Variants in PLD2 observed in about 807,000 individuals in gnomAD.
PLD2 encodes phospholipase D2, also known as choline phosphatase 2.
PLD2 carries 101 observed loss-of-function variants against 119.8 expected under a neutral mutation model. That is an observed-to-expected ratio of 0.84 (90% CI 0.72 to 0.99). The LOEUF is 0.99. Ranked by LOEUF, PLD2 falls within the 50% of genes least tolerant of loss-of-function variation. The pLI is 0.00. For synonymous variants in PLD2, 494 were observed against 482.8 expected (o/e 1.02, Z -0.30); for missense variants, 1,164 against 1,226.8 (o/e 0.95, Z 0.76).
rs1853816805 is a variant in PLD2 at position 4,823,391 on chromosome 17, C to A, written c.*527C>A. ...CTGCTGACAGACACTAACTTTGTAT[C>A]CGTTCAATAAGCATTTCATAAATAA... On this transcript the variant is annotated 3_prime_UTR_variant, in exon 25 of 25. Transcript: ENST00000263088. 3.3e-5 allele frequency: 5 copies of A among 153,776 alleles called. No individual in the cohort carries two copies. Among genetic ancestry groups the A allele is most frequent in the Admixed American group, 2.6e-4 (4 of 15,460 alleles). 9.5% of individuals were successfully genotyped at this position (153,776 alleles called of 1,614,324 possible).
chr17:4,815,940 C>CCT lies in PLD2; in HGVS notation c.1455+7_1455+8insTC. ...CTGAATCAGCTGCCTCCCAGGTAATCCCCCTGAGGCCTTCCTGAGCACCCC... is the reference window on the plus strand; with the variant it reads ...CTGAATCAGCTGCCTCCCAGGTAATCCTCCCCTGAGGCCTTCCTGAGCACCCC... On this transcript the variant is annotated splice_region_variant and intron_variant, in intron 14 of 24. Transcript: ENST00000263088. 1.3e-6 allele frequency: 2 copies of CCT among 1,596,052 alleles called. No individual in the cohort carries two copies. Among genetic ancestry groups the CCT allele is most frequent in the Non-Finnish European group, 1.7e-6 (2 of 1,163,862 alleles).
intron 9 of PLD2, 28 bp downstream of exon 9, chr17:4,810,057 C>G: frequency 6.2e-7 from 1 of 1,609,440 alleles, no homozygotes. Flanking sequence ...TGAGAGACAC[C>G]AGCTGAGTGG....
rs1907406860 is a variant in PLD2, at chr17:4,819,414, C to T, written c.2309-15C>T. 5 of 1,611,862 alleles carry T rather than the reference C, an allele frequency of 3.1e-6. No homozygotes were observed. The highest frequency in any genetic ancestry group is 1.1e-5 in the South Asian group (1 of 90,828). On this transcript the variant is annotated splice_polypyrimidine_tract_variant and intron_variant, in intron 22 of 24. Transcript: ENST00000263088. This position sits in a 1 kb window ranked among gnomAD's most constrained non-coding sequence, Gnocchi z 4.2. ...CCTGGGCCCAAGCACACAGTGTGCC[C>T]CGCATCCACCCCAGGTTCTGCAAAC...
chr17:4,809,483 T>C lies in PLD2; in HGVS notation c.556-10T>C. 5.6e-6 allele frequency: 9 copies of C among 1,607,258 alleles called. No individual in the cohort carries two copies. Among genetic ancestry groups the C allele is most frequent in the Non-Finnish European group, 7.6e-6 (9 of 1,176,668 alleles). ...AGGTGTCTCCTCCGGGCTTTTGTTT[T>C]CCTCTGCAGACAGAGTTCCTGGAAG... On this transcript the variant is annotated splice_polypyrimidine_tract_variant and intron_variant, in intron 6 of 24. Coordinates refer to ENST00000263088, the MANE Select transcript of PLD2 (RefSeq NM_002663.5).
Position 4,809,132 on chromosome 17 carries a change from C to T in PLD2, c.416C>T (p.Ala139Val). The change falls in exon 5 of 25, where the codon GCA becomes GTA. Residue 139 changes from alanine (A) to valine (V), a missense_variant. Physicochemically the swap from Ala to Val is moderately conservative, Grantham distance 64. Transcript: ENST00000263088. ...FAVAYSPARDAGNREMPSLPR... is the reference protein window; with the variant it reads ...FAVAYSPARDVGNREMPSLPR... ...GTTGCCTATTCTCCAGCCCGAGATG[C>T]AGGCAACAGAGAGATGCCCTCTCTA... is the stretch of plus-strand genomic sequence containing the variant. 6.2e-7 allele frequency: 1 copy of T among 1,614,112 alleles called. No homozygotes were observed.
chr17:4,817,659 C>T (rs947924615), intron 17 of PLD2, among the ~76,000 whole-genome samples: 3 of 144,830 alleles, frequency 2.1e-5, no homozygotes, highest in Non-Finnish European at 4.5e-5. Context: ...GAGACTCCAT[C>T]TCAAAAATAA....
chr17:4,809,747 G>T lies in PLD2; in HGVS notation c.671G>T (p.Cys224Phe), dbSNP rs751530331. 4.3e-6 allele frequency: 7 copies of T among 1,614,128 alleles called. No homozygotes were observed. The African/African-American group carries it at 8.0e-5, about 18-fold the overall frequency. Residue 224 changes from cysteine (C) to phenylalanine (F), a missense_variant, in exon 8 of 25, where the codon TGT (cysteine) becomes TTT (phenylalanine). Cys to Phe is a radical substitution (Grantham distance 205, BLOSUM62 -2). Coordinates refer to ENST00000263088, the MANE Select transcript of PLD2 (RefSeq NM_002663.5). ...CACCGTGTTCCTGGCCTCACCTGCT[G>T]TGGCCGAGACCAAGTTTGTTATCGC... ...GGHRVPGLTC[C>F]GRDQVCYRWS... is the part of the protein sequence containing the mutation.
At chr17:4,812,385 C>A (rs1428034382) in intron 10 of PLD2, among the ~76,000 whole-genome samples, 3 of 150,262 alleles carry the variant, frequency 2.0e-5, no homozygotes, top group South Asian at 2.1e-4. Context: ...ACCTCTGACT[C>A]CCCGGTTCAA....
rs551987918 is a variant in PLD2 at position 4,809,552 on chromosome 17, G to C, written c.614+1G>C. 1.1e-5 allele frequency: 17 copies of C among 1,606,484 alleles called. No homozygotes were observed. In the South Asian group the frequency reaches 1.9e-4, roughly 18 times the overall value. ...TCCCGGACTTGGGCCGCAAAGGACTGTGAGTGTCTGGCCCCCTTCACCCAG... is the reference window on the plus strand; with the variant it reads ...TCCCGGACTTGGGCCGCAAAGGACTCTGAGTGTCTGGCCCCCTTCACCCAG... On this transcript the variant is annotated splice_donor_variant, in intron 7 of 24. Coordinates refer to ENST00000263088, the MANE Select transcript of PLD2 (RefSeq NM_002663.5). LOFTEE classifies it high-confidence loss of function.
At chr17:4,818,423 T>C (rs201823200) in intron 19 of PLD2, 38 bp downstream of exon 19, 1 of 1,608,788 alleles carries the variant, frequency 6.2e-7, no homozygotes, top group East Asian at 2.2e-5. Context: ...ACTGTGGGTG[T>C]GGTTTGAGCC....
In PLD2 at chr17:4,810,875, G is replaced by C. The variant is rs760033223; in HGVS notation, c.934G>C (p.Gly312Arg). Reference protein sequence around the residue: ...WAQEITELAQGPGRDFLQLHR... With the variant: ...WAQEITELAQRPGRDFLQLHR... ...CCAAGAGATCACTGAGCTGGCACAGGGCCCAGGCAGAGACTTCCTACAGCT... is the reference window on the plus strand; with the variant it reads ...CCAAGAGATCACTGAGCTGGCACAGCGCCCAGGCAGAGACTTCCTACAGCT... Residue 312 changes from glycine (G) to arginine (R), a missense_variant, in exon 10 of 25, where the codon GGC becomes CGC. Physicochemically the swap from Gly to Arg is moderately radical, Grantham distance 125. Transcript: ENST00000263088. 6.2e-7 allele frequency: 1 copy of C among 1,613,740 alleles called. No homozygotes were observed. The highest frequency in any genetic ancestry group is 1.3e-5 in the African/African-American group (1 of 74,868).
chr17:4,816,595 T>G (rs765415461), intron 14 of PLD2, 25 bp from the exon 15 acceptor site: 7 of 1,612,854 alleles, frequency 4.3e-6, no homozygotes, highest in Middle Eastern at 1.7e-4. Flanking sequence ...CCCTTGCCCC[T>G]GGCTTGGGTG....
In PLD2 at chr17:4,816,747, G is replaced by A. The variant is rs773221175; in HGVS notation, c.1582+1G>A. 1 of 1,614,194 alleles carries A rather than the reference G, an allele frequency of 6.2e-7. No homozygotes were observed. The highest frequency in any genetic ancestry group is 1.1e-5 in the South Asian group (1 of 91,090). ...GTGCAGCTGGACCGGCCTTTCGAAG[G>A]TGAAGCCTCCCACCCGCCAAAGCCC... On this transcript the variant is annotated splice_donor_variant, in intron 15 of 24. Transcript: ENST00000263088. LOFTEE classifies it high-confidence loss of function.
chr17:4,820,760 T>C (rs1325581656), intron 23 of PLD2, among the ~76,000 whole-genome samples: 2 of 147,878 alleles, frequency 1.4e-5, no homozygotes, highest in Non-Finnish European at 3.0e-5. Flanking sequence ...GTATTTTTAG[T>C]AGAGACGGGG....
At chr17:4,817,843 A>C (rs1423206834) in intron 17 of PLD2, 159 bp from the exon 18 acceptor site, 9 of 548,054 alleles carry the variant, frequency 1.6e-5, no homozygotes, top group South Asian at 2.0e-5. Context: ...CTGTAGTCCC[A>C]GCTACTTAGG....
chr17:4,814,596 G>C (rs1250522545), intron 11 of PLD2, 37 bp from the exon 12 acceptor site: 2 of 1,613,588 alleles, frequency 1.2e-6, no homozygotes, highest in African/African-American at 1.3e-5. Flanking sequence ...GTGGTCTGGG[G>C]CTTCGTTTGC....
At chr17:4,815,015 T>C (rs1906832709) in intron 12 of PLD2, among the ~76,000 whole-genome samples, 1 of 152,136 alleles carries the variant, frequency 6.6e-6, no homozygotes, top group East Asian at 1.9e-4. Flanking sequence ...AATATCACTG[T>C]TCCACTACAA....
Position 4,814,480 on chromosome 17 carries a change from A to C in PLD2, c.1073A>C (p.Glu358Ala). 2 of 1,613,518 alleles carry C rather than the reference A, an allele frequency of 1.2e-6. No individual in the cohort carries two copies. The highest frequency in any genetic ancestry group is 2.2e-5 in the South Asian group (2 of 90,956). ...VADAILRAQE[E>A]IFITDWWLSP... ...GATGCCATCCTTCGAGCTCAAGAGG[A>C]GATTTTCATCACAGACTGGTGGTGA... The change falls in exon 11 of 25, where the codon GAG becomes GCG. Residue 358 changes from glutamate (E) to alanine (A), a missense_variant. By Grantham distance (107) the Glu-to-Ala change is moderately radical. Coordinates refer to ENST00000263088, the MANE Select transcript of PLD2 (RefSeq NM_002663.5).
At chr17:4,817,929 G>A in intron 17 of PLD2, 73 bp from the exon 18 acceptor site, 9 of 1,064,798 alleles carry the variant, frequency 8.5e-6, no homozygotes, top group East Asian at 5.1e-5. Context: ...CTGCACTCCA[G>A]CCTAGGCAAC....
Sources: allele counts gnomAD v4.1 joint callset (sites outside exome capture counted in the v4.1 genomes callset), GRCh38; gene constraint gnomAD v4.1.1; non-coding constraint Gnocchi (gnomAD v3.1); transcripts MANE v1.5; gene names NCBI Gene and HGNC (gene_info 2026-07-23, HGNC 2026-07-21).